The following ENKUR variants were observed in gnomAD, a reference collection of about 807,000 sequenced individuals.
The protein encoded by ENKUR is enkurin.
ENKUR carries 19 observed loss-of-function variants against 27.6 expected under a neutral mutation model. The observed-to-expected ratio is 0.69, with a 90% CI of 0.48 to 1.01. The LOEUF (loss-of-function observed/expected upper bound fraction) is 1.01. Ranked by LOEUF, ENKUR falls within the 50% of genes least tolerant of loss-of-function variation. ENKUR has a pLI of 0.00. For missense variants in ENKUR, 312 were observed against 310.5 expected (o/e 1.00, Z -0.04); for synonymous variants, 117 against 96.9 (o/e 1.21, Z -1.22).
At chr10:25,035,313 G>A (rs73608228) in intron 2 of ENKUR, among the ~76,000 whole-genome samples, 2,272 of 152,258 alleles carry the variant, frequency 0.015, 65 homozygotes, top group African/African-American at 0.051. Flanking sequence ...CCAGTACGTG[G>A]GGAGACTGAG....
intron 2 of ENKUR, among the ~76,000 whole-genome samples, chr10:25,050,564 C>T (rs1018158767): frequency 5.9e-5 from 9 of 152,166 alleles, no homozygotes; most frequent in African/African-American, 1.9e-4. Flanking sequence ...TCAATTACCT[C>T]CCACTGGTCC....
intron 2 of ENKUR, among the ~76,000 whole-genome samples, chr10:25,049,060 A>G (rs1588684663): frequency 6.6e-6 from 1 of 152,122 alleles, no homozygotes; most frequent in East Asian, 1.9e-4. Flanking sequence ...CCACATCACT[A>G]CTATTTGCTA....
chr10:25,036,267 A>C (rs1851006767), intron 2 of ENKUR, among the ~76,000 whole-genome samples: 1 of 152,110 alleles, frequency 6.6e-6, no homozygotes, highest in South Asian at 2.1e-4. Flanking sequence ...ACGAGATCTG[A>C]TGGTTTTATA....
At chr10:25,019,850 A>G (rs1850682554), upstream of ENKUR, among the ~76,000 whole-genome samples, 1 of 152,234 alleles carries the variant, frequency 6.6e-6, no homozygotes, top group African/African-American at 2.4e-5. Flanking sequence ...TGATCATTCA[A>G]CAATATCCTC....
upstream of ENKUR, among the ~76,000 whole-genome samples, chr10:25,018,370 A>G (rs73608225): frequency 0.028 from 4,219 of 152,330 alleles, 133 homozygotes; most frequent in African/African-American, 0.074. Flanking sequence ...GTATATACCT[A>G]CAGGGATGAA....
At chr10:25,025,592 C>A in intron 2 of ENKUR, 1 of 838,850 alleles carries the variant, frequency 1.2e-6, no homozygotes, top group Non-Finnish European at 1.8e-6. Flanking sequence ...AGTCTGATCT[C>A]TAGGGCTGAC....
intron 2 of ENKUR, among the ~76,000 whole-genome samples, chr10:25,058,400 G>A (rs954922342): frequency 2.6e-5 from 4 of 152,044 alleles, no homozygotes; most frequent in African/African-American, 9.7e-5. Context: ...AGATATGGGG[G>A]TCTCACTATG....
intron 2 of ENKUR, among the ~76,000 whole-genome samples, chr10:25,052,224 C>A (rs1827088752): frequency 6.6e-6 from 1 of 151,986 alleles, no homozygotes; most frequent in African/African-American, 2.4e-5. Context: ...TTTGATAAGA[C>A]AAAGCAAACA....
At chr10:25,029,371 T>A (rs1469744804) in intron 2 of ENKUR, among the ~76,000 whole-genome samples, 2 of 152,202 alleles carry the variant, frequency 1.3e-5, no homozygotes, top group Non-Finnish European at 2.9e-5. Flanking sequence ...TACATATTTA[T>A]GGAAATTATA....
chr10:25,055,791 G>A lies in ENKUR; in HGVS notation c.37+5321C>T, dbSNP rs538544281. ...CACTTTTACTGAAGACCCTCAAAAC[G>A]GTATGATGCATCTGTTTATCCCTGC... On this transcript the variant is annotated intron_variant, in intron 2 of 5. Coordinates refer to the ENKUR transcript ENST00000615958. Among the ~76,000 whole-genome samples the A allele has an allele frequency of 4.6e-5, 7 of 152,188 alleles. No homozygotes were observed. The South Asian group carries it at 8.3e-4, about 18-fold the overall frequency.
At chr10:25,028,491 C>CA (rs1372847023) in intron 2 of ENKUR, among the ~76,000 whole-genome samples, 1 of 152,196 alleles carries the variant, frequency 6.6e-6, no homozygotes, top group Non-Finnish European at 1.5e-5. Flanking sequence ...TGGTGTGTGT[C>CA]ATCAGGTACC....
intron 1 of ENKUR, among the ~76,000 whole-genome samples, chr10:25,061,586 CA>C (rs1217361926): frequency 1.3e-5 from 2 of 152,176 alleles, no homozygotes; most frequent in East Asian, 1.9e-4. Context: ...GGTGATTTTC[CA>C]AATGCTGGCT....
chr10:25,003,408 C>T (rs902921387), intron 1 of ENKUR, among the ~76,000 whole-genome samples: 1 of 152,058 alleles, frequency 6.6e-6, no homozygotes, highest in African/African-American at 2.4e-5. Context: ...GGTTTTACCA[C>T]GTTGGCCAGG....
chr10:25,027,357 C>CAAAAAAAA (rs71399946), intron 2 of ENKUR, among the ~76,000 whole-genome samples: 20 of 48,492 alleles, frequency 4.1e-4, no homozygotes, highest in African/African-American at 1.8e-3. Context: ...ACTCCCGTCT[C>CAAAAAAAA]AAAAAAAAAA....
At chr10:25,017,215 G>A (rs1850618075), upstream of ENKUR, among the ~76,000 whole-genome samples, 1 of 152,190 alleles carries the variant, frequency 6.6e-6, no homozygotes, top group African/African-American at 2.4e-5. Flanking sequence ...AGTTTTTGGT[G>A]TCCCTTGTTG....
chr10:25,024,008 A>T, intron 2 of ENKUR: 4 of 1,614,208 alleles, frequency 2.5e-6, no homozygotes, highest in South Asian at 1.1e-5. Context: ...TTGGCTTCTG[A>T]TGGTGGCCTC....
intron 2 of ENKUR, among the ~76,000 whole-genome samples, chr10:25,046,895 C>T (rs758816040): frequency 3.9e-5 from 6 of 152,106 alleles, no homozygotes; most frequent in Admixed American, 2.0e-4. Flanking sequence ...GTGTTAATTT[C>T]CATCCTCTAG....
At chr10:25,025,337 A>C in intron 2 of ENKUR, 1 of 1,614,222 alleles carries the variant, frequency 6.2e-7, no homozygotes, top group Non-Finnish European at 8.5e-7. Flanking sequence ...CCTCCACTGC[A>C]TGAGGCTTTA....
At position 24,984,111 on chromosome 10, in the gene ENKUR, T is replaced by A. The variant is rs997666055; in HGVS notation, c.*259A>T. Reference sequence around the variant, plus strand: ...CATCCTCAATGATGCCTTTATAAGTTGTCATCTTGATTTTGTAAGTTGTCT... The same window carrying A: ...CATCCTCAATGATGCCTTTATAAGTAGTCATCTTGATTTTGTAAGTTGTCT... On this transcript the variant is annotated 3_prime_UTR_variant, in exon 6 of 6. Coordinates refer to ENST00000331161, the MANE Select transcript of ENKUR (RefSeq NM_145010.4). 2 of 401,426 alleles carry A rather than the reference T, an allele frequency of 5.0e-6. No homozygotes were observed. The highest frequency in any genetic ancestry group is 8.9e-6 in the Non-Finnish European group (2 of 225,820). 24.9% of individuals were successfully genotyped at this position (401,426 alleles called of 1,614,324 possible).
Sources: allele counts gnomAD v4.1 joint callset (sites outside exome capture counted in the v4.1 genomes callset), GRCh38; gene constraint gnomAD v4.1.1; transcripts MANE v1.5; gene names NCBI Gene and HGNC (gene_info 2026-07-23, HGNC 2026-07-21).